ZMYND8: variants seen among roughly 807,000 people sequenced by gnomAD.
ZMYND8 encodes the protein MYND-type zinc finger-containing chromatin reader ZMYND8.
In ZMYND8, 37 loss-of-function variants were observed where a neutral mutation model predicts 140.8. The observed-to-expected ratio is 0.26, with a 90% CI of 0.20 to 0.35. The LOEUF (loss-of-function observed/expected upper bound fraction) is 0.35, where lower values mean the gene tolerates loss of function less well. Among genes scored for constraint, ZMYND8 ranks in the 10% least tolerant of loss-of-function variants. The probability of loss-of-function intolerance (pLI) is 1.00; values close to 1 mark genes in which losing one functional copy is unlikely to be tolerated. For synonymous variants in ZMYND8, 592 were observed against 597.1 expected, an observed-to-expected ratio of 0.99 and a Z score of 0.12; for missense variants, 1,068 against 1,570.0, an observed-to-expected ratio of 0.68 and a Z score of 5.40.
At chr20:47,214,580 G>A (rs776008508) in intron 21 of ZMYND8, among the ~76,000 whole-genome samples, 4 of 152,086 alleles carry the variant, frequency 2.6e-5, no homozygotes, top group Non-Finnish European at 4.4e-5. Flanking sequence ...TGTAACCTCC[G>A]CCTCCTGGGT....
At chr20:47,240,011 C>G (rs1046404105) in intron 14 of ZMYND8, among the ~76,000 whole-genome samples, 1 of 151,966 alleles carries the variant, frequency 6.6e-6, no homozygotes, top group African/African-American at 2.4e-5. Flanking sequence ...CTGAGGCAGG[C>G]GGATCACTTG....
intron 7 of ZMYND8, among the ~76,000 whole-genome samples, chr20:47,289,226 T>C (rs569203935): frequency 1.1e-4 from 17 of 152,286 alleles, no homozygotes; most frequent in Admixed American, 9.8e-4. Context: ...CCACTGATCA[T>C]TAGGAAAAGG....
At chr20:47,337,164 C>G (rs1444559196) in intron 2 of ZMYND8, among the ~76,000 whole-genome samples, 1 of 152,002 alleles carries the variant, frequency 6.6e-6, no homozygotes, top group Non-Finnish European at 1.5e-5. Flanking sequence ...CCAGCCTGGC[C>G]AACACAGTGA....
At chr20:47,248,198 T>C (rs1200799853) in intron 13 of ZMYND8, among the ~76,000 whole-genome samples, 1 of 152,160 alleles carries the variant, frequency 6.6e-6, no homozygotes, top group Admixed American at 6.5e-5. Flanking sequence ...AGTATCAACC[T>C]CCCAAGACAA....
At chr20:47,279,725 C>T (rs911445272) in intron 10 of ZMYND8, among the ~76,000 whole-genome samples, 4 of 150,918 alleles carry the variant, frequency 2.7e-5, no homozygotes, top group African/African-American at 9.7e-5. Context: ...AAAACACTGC[C>T]CAGTACATAA....
intron 2 of ZMYND8, 30 bp downstream of exon 2, chr20:47,347,826 T>C (rs1468107244): frequency 6.2e-7 from 1 of 1,609,576 alleles, no homozygotes. Context: ...TCCTTAGCTC[T>C]AGAATAGATA....
intron 11 of ZMYND8, among the ~76,000 whole-genome samples, chr20:47,266,103 T>C (rs2075501079): frequency 6.6e-6 from 1 of 152,120 alleles, no homozygotes; most frequent in South Asian, 2.1e-4. Flanking sequence ...AACCCTCCTC[T>C]GCATCTCCCT....
At chr20:47,260,201 A>G (rs1317321675) in intron 12 of ZMYND8, among the ~76,000 whole-genome samples, 1 of 152,090 alleles carries the variant, frequency 6.6e-6, no homozygotes, top group Non-Finnish European at 1.5e-5. Flanking sequence ...TGACAACCAA[A>G]AATGTCTCCA....
At chr20:47,283,683 CA>C (rs1370119626) in intron 8 of ZMYND8, 35 bp from the exon 9 acceptor site, 1 of 1,601,650 alleles carries the variant, frequency 6.2e-7, no homozygotes, top group African/African-American at 1.3e-5. Context: ...TGTGTCACCC[CA>C]GGGGTGGATA....
At chr20:47,356,407 A>C (rs1176325960) in intron 1 of ZMYND8, 1 of 1,535,114 alleles carries the variant, frequency 6.5e-7, no homozygotes, top group Non-Finnish European at 8.7e-7. Context: ...CTCTTCCAGA[A>C]ACACCATGCC....
At chr20:47,249,508 C>T in intron 12 of ZMYND8, 69 bp from the exon 13 acceptor site, 2 of 1,565,206 alleles carry the variant, frequency 1.3e-6, no homozygotes, top group Non-Finnish European at 1.7e-6. Flanking sequence ...TTCGTCCTTG[C>T]AAAGTCAGAG....
chr20:47,303,628 G>C (rs1469108822), intron 3 of ZMYND8, among the ~76,000 whole-genome samples: 1 of 152,032 alleles, frequency 6.6e-6, no homozygotes, highest in African/African-American at 2.4e-5. Context: ...CCCGGGAGGT[G>C]GAGGTTGCGG....
chr20:47,212,813 C>T, intron 21 of ZMYND8, 88 bp from the exon 22 acceptor site: 2 of 1,228,664 alleles, frequency 1.6e-6, no homozygotes, highest in Non-Finnish European at 2.3e-6. Flanking sequence ...TGTTCATCAA[C>T]AGGCTACTGT....
intron 3 of ZMYND8, among the ~76,000 whole-genome samples, chr20:47,300,462 C>T (rs915789669): frequency 6.6e-6 from 1 of 152,136 alleles, no homozygotes; most frequent in Non-Finnish European, 1.5e-5. Context: ...GATGATACTA[C>T]GAATGGGGAT....
In ZMYND8 at chr20:47,239,015, G is replaced by A. The variant is rs746018284; in HGVS notation, c.2408C>T (p.Ser803Phe). 1 of 1,602,494 alleles carries A rather than the reference G, an allele frequency of 6.2e-7. No individual in the cohort carries two copies. Among genetic ancestry groups the A allele is most frequent in the Non-Finnish European group, 8.5e-7 (1 of 1,171,602 alleles). The change falls in exon 15 of 23, where the codon TCC becomes TTC. Residue 803 changes from serine (S) to phenylalanine (F), a missense_variant. Ser to Phe is a radical substitution (Grantham distance 155). This residue lies in a region of ZMYND8 where 383 missense variants were observed against 431.2 expected (regional missense o/e 0.89). Transcript: ENST00000471951. ...GGCCGGGGCCGTGACGGTGACCGTG[G>A]AGGACGTGCTGGTGGTGGCTGTGGC... ...AGATATTSTS[S>F]TVTVTAPAPA...
chr20:47,333,216 A>C (rs2081096170), intron 2 of ZMYND8, among the ~76,000 whole-genome samples: 1 of 151,964 alleles, frequency 6.6e-6, no homozygotes, highest in Non-Finnish European at 1.5e-5. Context: ...GAGAGAGATA[A>C]AAAAACACAA....
intron 14 of ZMYND8, among the ~76,000 whole-genome samples, chr20:47,244,954 G>A (rs1007439851): frequency 1.3e-5 from 2 of 152,090 alleles, no homozygotes; most frequent in African/African-American, 4.8e-5. Context: ...TTACTTGGGA[G>A]GCTGAGGGAG....
intron 1 of ZMYND8, chr20:47,354,666 A>G (rs1381810683): frequency 6.6e-6 from 1 of 152,226 alleles, no homozygotes; most frequent in Non-Finnish European, 1.5e-5. Flanking sequence ...GAAAGAAAAA[A>G]GATTACTGAC....
At position 47,250,464 on chromosome 20, in the gene ZMYND8, G is replaced by A. The variant is rs1178005676; in HGVS notation, c.1622-1025C>T. 2.6e-5 allele frequency among the ~76,000 whole-genome samples: 4 copies of A among 152,142 alleles called. No homozygotes were observed. In the East Asian group the frequency reaches 7.7e-4, roughly 29 times the overall value. On this transcript the variant is annotated intron_variant, in intron 12 of 22. Coordinates refer to ENST00000471951, the MANE Select transcript of ZMYND8 (RefSeq NM_001281775.3). ...CCAAAAAATAAGTCAGAAAGCAGGTGGAATCCAATCAACCCACAAAGAGGA... is the reference window on the plus strand; with the variant it reads ...CCAAAAAATAAGTCAGAAAGCAGGTAGAATCCAATCAACCCACAAAGAGGA...
Sources: gnomAD v4.1 joint callset for allele counts (sites outside exome capture counted in the v4.1 genomes callset) on GRCh38, gnomAD v4.1.1 for gene constraint, gnomAD v4.1.1 regional missense constraint, MANE v1.5 for transcripts, NCBI Gene and HGNC (gene_info 2026-07-23, HGNC 2026-07-21) for gene names.